Variants in AP2B1 observed in about 807,000 individuals in gnomAD.
The protein encoded by AP2B1 is adaptor related protein complex 2 subunit beta 1, also known as AP-2 complex subunit beta.
A neutral mutation model predicts 102.0 loss-of-function variants in AP2B1; 23 were observed. The ratio of observed to expected loss-of-function variants is 0.23; its 90% CI spans 0.16 to 0.32. The LOEUF is 0.32. Among genes scored for constraint, AP2B1 ranks in the 10% least tolerant of loss-of-function variants. AP2B1 has a pLI of 1.00. For synonymous variants in AP2B1, 381 were observed against 421.2 expected, an observed-to-expected ratio of 0.90 and a Z score of 1.17; for missense variants, 541 against 1,157.4, an observed-to-expected ratio of 0.47 and a Z score of 7.73.
In AP2B1 at chr17:35,640,700, T is replaced by C. The variant is rs182265704; in HGVS notation, c.1437+940T>C. Among the ~76,000 whole-genome samples the C allele has an allele frequency of 1.8e-4, 28 of 152,326 alleles. No homozygotes were observed. The East Asian group carries it at 4.4e-3, about 24-fold the overall frequency. On this transcript the variant is annotated intron_variant, in intron 11 of 21. Transcript: ENST00000610402. The stretch of plus-strand genomic sequence containing the variant: ...GTAGGTCTGAGATGTGCCTAAGTAT[T>C]TGCATGTCTTACAAGGTTCAGGGTG...
At chr17:35,607,330 C>T (rs2073714894) in intron 4 of AP2B1, among the ~76,000 whole-genome samples, 1 of 152,144 alleles carries the variant, frequency 6.6e-6, no homozygotes, top group South Asian at 2.1e-4. Flanking sequence ...ATGCTTTCTT[C>T]TTTCTCATGA....
At chr17:35,649,685 A>G (rs2075037477) in intron 12 of AP2B1, among the ~76,000 whole-genome samples, 1 of 152,230 alleles carries the variant, frequency 6.6e-6, no homozygotes, top group Admixed American at 6.5e-5. Context: ...GGATTAACCC[A>G]TCTTAATTTA....
At chr17:35,713,992 T>C (rs1349370202) in intron 20 of AP2B1, among the ~76,000 whole-genome samples, 1 of 152,210 alleles carries the variant, frequency 6.6e-6, no homozygotes, top group East Asian at 1.9e-4. Flanking sequence ...ACTACTGTCT[T>C]AAGTGCACAA....
chr17:35,639,566 A>AAT (rs2142723805), intron 10 of AP2B1, 29 bp from the exon 11 acceptor site: 1 of 1,587,104 alleles, frequency 6.3e-7, no homozygotes, highest in East Asian at 2.2e-5. Context: ...TTTTGCCCTC[A>AAT]ATAACCATAG....
chr17:35,590,171 G>A (rs225308), intron 1 of AP2B1, among the ~76,000 whole-genome samples: 23,639 of 151,922 alleles, frequency 0.16, 2,006 homozygotes, highest in South Asian at 0.25. Flanking sequence ...TGATCCGCCC[G>A]CCTCCCAAAG....
intron 20 of AP2B1, among the ~76,000 whole-genome samples, chr17:35,711,490 A>G (rs1176970199): frequency 6.7e-6 from 1 of 148,270 alleles, no homozygotes; most frequent in African/African-American, 2.4e-5. Flanking sequence ...CCGGCCCAAG[A>G]TGGAGTCTCG....
Position 35,719,449 on chromosome 17 carries a change from G to A in AP2B1, c.2781+2100G>A, listed in dbSNP as rs75635941. Among the ~76,000 whole-genome samples the A allele has an allele frequency of 8.5e-3, 1,291 of 151,812 alleles. 11 individuals are homozygous for A. Among genetic ancestry groups the A allele is most frequent in the African/African-American group, 0.026 (1,068 of 41,378 alleles). ...GCAGCCTTTCTCCATTACTATAATT[G>A]TGTCATTTTTAGAATGTTGTATAAA... On this transcript the variant is annotated intron_variant, in intron 21 of 21. Transcript: ENST00000610402.
At chr17:35,643,616 T>C (rs1456129350) in intron 12 of AP2B1, among the ~76,000 whole-genome samples, 1 of 152,206 alleles carries the variant, frequency 6.6e-6, no homozygotes, top group African/African-American at 2.4e-5. Context: ...TTCTTACAGA[T>C]AGTCTGAAAT....
At chr17:35,615,462 C>T (rs761135872) in intron 5 of AP2B1, among the ~76,000 whole-genome samples, 1 of 152,060 alleles carries the variant, frequency 6.6e-6, no homozygotes, top group Admixed American at 6.5e-5. Context: ...TTGTTGTCAA[C>T]CTAAGATGAT....
chr17:35,605,733 A>G lies in AP2B1; in HGVS notation c.172A>G (p.Met58Val). The change falls in exon 4 of 22, where the codon ATG (methionine) becomes GTG (valine). Residue 58 changes from methionine (M) to valine (V), a missense_variant. Met to Val is a conservative substitution (Grantham distance 21). Transcript: ENST00000610402. ...SSLFPDVVNCMQTDNLELKKL... is the reference protein window; with the variant it reads ...SSLFPDVVNCVQTDNLELKKL... ...TCTCTTTCCAGACGTAGTGAACTGT[A>G]TGCAGACTGACAATCTGGAACTAAA... 6.2e-7 allele frequency: 1 copy of G among 1,613,940 alleles called. No individual in the cohort carries two copies.
At chr17:35,654,868 C>G (rs1164361234) in intron 13 of AP2B1, among the ~76,000 whole-genome samples, 1 of 151,882 alleles carries the variant, frequency 6.6e-6, no homozygotes, top group Non-Finnish European at 1.5e-5. Context: ...AGGTTATTGC[C>G]TGACCTTTGC....
At chr17:35,634,703 C>T (rs1442188556) in intron 9 of AP2B1, among the ~76,000 whole-genome samples, 1 of 152,114 alleles carries the variant, frequency 6.6e-6, no homozygotes, top group Non-Finnish European at 1.5e-5. Context: ...TCGAGTACTA[C>T]AGTTCTTTGG....
chr17:35,646,058 C>A (rs747312430), intron 12 of AP2B1, among the ~76,000 whole-genome samples: 3 of 152,142 alleles, frequency 2.0e-5, no homozygotes, highest in Non-Finnish European at 4.4e-5. Context: ...CCCCTGGGTT[C>A]TGCACTTTCA....
At chr17:35,659,697 T>C (rs1045567301) in intron 14 of AP2B1, 2 of 646,578 alleles carry the variant, frequency 3.1e-6, no homozygotes, top group East Asian at 2.7e-4. Flanking sequence ...CAGTTATGTT[T>C]TTATGTAACT....
rs150250830 is a variant in AP2B1, at chr17:35,700,589, G to A, written c.2455-8635G>A. On this transcript the variant is annotated intron_variant, in intron 18 of 21. Transcript: ENST00000610402. The stretch of plus-strand genomic sequence containing the variant: ...CTTTGGTTACCTGTGGTGAGAGGTC[G>A]GGTAAGAGGCCTCATTTGCCAGAGT... Among the ~76,000 whole-genome samples the A allele has an allele frequency of 5.1e-3, 774 of 152,162 alleles. 1 individual carries two copies. Among genetic ancestry groups the A allele is most frequent in the Non-Finnish European group, 8.7e-3 (589 of 68,018 alleles).
intron 18 of AP2B1, among the ~76,000 whole-genome samples, chr17:35,687,621 C>T (rs1006773777): frequency 2.6e-5 from 4 of 152,076 alleles, no homozygotes; most frequent in African/African-American, 7.2e-5. Flanking sequence ...AATCATGGCT[C>T]ATTGCAGCCT....
In AP2B1 at chr17:35,594,152, T is replaced by C. The variant is rs546661807; in HGVS notation, c.37+85T>C. 1.1e-5 allele frequency: 9 copies of C among 815,308 alleles called. No individual in the cohort carries two copies. In the Admixed American group the frequency reaches 1.6e-4, roughly 15 times the overall value. 50.5% of individuals were successfully genotyped at this position (815,308 alleles called of 1,614,324 possible). A position where few individuals can be genotyped will look rare whatever the true frequency, so the allele number is the denominator to read the frequency against. The stretch of plus-strand genomic sequence containing the variant: ...CCCCAGGCAGAATGCTGCTGACCTC[T>C]TCCTTCAGACATACATGTAGCTGAC... On this transcript the variant is annotated intron_variant, in intron 2 of 21. Transcript: ENST00000610402.
At chr17:35,603,873 C>T (rs1402520837) in intron 3 of AP2B1, among the ~76,000 whole-genome samples, 4 of 152,158 alleles carry the variant, frequency 2.6e-5, no homozygotes, top group Non-Finnish European at 5.9e-5. Context: ...GAGCCACCCG[C>T]GAAAAGTCAG....
rs530484333 is a variant in AP2B1, at chr17:35,658,094, T to C, written c.1989+303T>C. 2.0e-5 allele frequency among the ~76,000 whole-genome samples: 3 copies of C among 152,304 alleles called. No homozygotes were observed. The East Asian group carries it at 5.8e-4, about 29-fold the overall frequency. Reference sequence around the variant, plus strand: ...AATGTTTAGTATCTTTTCCAGAGTTTATTATTGTTCCTAGCTCTTAACTCT... The same window carrying C: ...AATGTTTAGTATCTTTTCCAGAGTTCATTATTGTTCCTAGCTCTTAACTCT... On this transcript the variant is annotated intron_variant, in intron 14 of 21. Transcript: ENST00000610402.
Sources: allele counts gnomAD v4.1 joint callset (sites outside exome capture counted in the v4.1 genomes callset), GRCh38; gene constraint gnomAD v4.1.1; transcripts MANE v1.5; gene names NCBI Gene and HGNC (gene_info 2026-07-23, HGNC 2026-07-21).